Variants in ODAD2 observed in about 807,000 individuals in gnomAD.
ODAD2 encodes the protein outer dynein arm docking complex subunit 2, also known as outer dynein arm-docking complex subunit 2.
ODAD2 carries 89 observed loss-of-function variants against 106.8 expected under a neutral mutation model. The observed-to-expected ratio is 0.83, with a 90% CI of 0.70 to 0.99. The LOEUF (loss-of-function observed/expected upper bound fraction) is 0.99. Among genes scored for constraint, ODAD2 ranks in the 50% least tolerant of loss-of-function variants. The pLI is 0.00. For synonymous variants in ODAD2, 404 were observed against 436.2 expected, an observed-to-expected ratio of 0.93 and a Z score of 0.92; for missense variants, 1,168 against 1,238.5, an observed-to-expected ratio of 0.94 and a Z score of 0.85.
At chr10:27,844,882 T>G (rs1441909729) in intron 19 of ODAD2, among the ~76,000 whole-genome samples, 1 of 152,174 alleles carries the variant, frequency 6.6e-6, no homozygotes, top group Non-Finnish European at 1.5e-5. Context: ...GAGTTGGATT[T>G]GACTTAGCAG....
chr10:27,973,378 T>A (rs1366957905), intron 7 of ODAD2, among the ~76,000 whole-genome samples: 1 of 152,086 alleles, frequency 6.6e-6, no homozygotes, highest in Non-Finnish European at 1.5e-5. Flanking sequence ...TGTGCAGGCT[T>A]GTTATATAGG....
rs1189471618 is a variant in ODAD2, at chr10:27,812,532, C to T, written c.3115G>A (p.Glu1039Lys). 6.2e-7 allele frequency: 1 copy of T among 1,612,884 alleles called. No individual in the cohort carries two copies. ...SNIRRLALAT[E>K]KARYT ...AAATTTCAAGTGTATCTTGCCTTCT[C>T]TGTAGCAAGAGCCAGCCTGCGGATA... Residue 1039 changes from glutamate (E) to lysine (K), a missense_variant, in exon 20 of 20, where the codon GAG (glutamate) becomes AAG (lysine). This residue lies in a region of ODAD2 where 701 missense variants were observed against 712.3 expected (regional missense o/e 0.98). Transcript: ENST00000305242.
At chr10:27,838,979 C>T (rs1714928047) in intron 19 of ODAD2, among the ~76,000 whole-genome samples, 1 of 152,282 alleles carries the variant, frequency 6.6e-6, no homozygotes, top group East Asian at 1.9e-4. Context: ...TCATCTTATG[C>T]CAATCTAACG....
Position 27,985,160 on chromosome 10 carries a change from T to C in ODAD2, c.434A>G (p.Lys145Arg). Residue 145 changes from lysine (K) to arginine (R), a missense_variant, in exon 4 of 20, where the codon AAA (lysine) becomes AGA (arginine). Coordinates refer to ENST00000305242, the MANE Select transcript of ODAD2 (RefSeq NM_018076.5). Reference protein sequence around the residue: ...KILGSDYNTMKENSIALNILG... With the variant: ...KILGSDYNTMRENSIALNILG... ...AATATTTAATGCAATTGAGTTTTCT[T>C]TCATTGTATTATAATCAGAGCCCAG... is the stretch of plus-strand genomic sequence containing the variant. The C allele has an allele frequency of 6.3e-7, 1 of 1,590,366 alleles. No homozygotes were observed. The highest frequency in any genetic ancestry group is 8.6e-7 in the Non-Finnish European group (1 of 1,167,148).
intron 14 of ODAD2, among the ~76,000 whole-genome samples, chr10:27,938,662 C>T (rs964140562): frequency 9.3e-5 from 14 of 151,054 alleles, no homozygotes; most frequent in Admixed American, 6.6e-4. Context: ...TCCAGTGGCG[C>T]GATCTTGGCT....
At position 27,985,210 on chromosome 10, in the gene ODAD2, A is replaced by T; in HGVS notation, c.384T>A (p.Ala128=). 1 of 1,469,262 alleles carries T rather than the reference A, an allele frequency of 6.8e-7. No individual in the cohort carries two copies. Among genetic ancestry groups the T allele is most frequent in the Non-Finnish European group, 9.0e-7 (1 of 1,112,972 alleles). The allele number at this position is 1,469,262 out of a possible 1,614,324, so 91.0% of individuals were successfully genotyped here. Residue 128 remains alanine, a splice_region_variant and synonymous_variant, in exon 4 of 20, where the codon GCT becomes GCA. Coordinates refer to ENST00000305242, the MANE Select transcript of ODAD2 (RefSeq NM_018076.5). The part of the protein sequence containing the change: ...KLKEAQACVE[A]NRDPIVKILG... ...GGATTTTTACTATGGGGTCTCTGTT[A>T]GCTGCCAAAAAAAAAAAAAAGGAGA...
chr10:27,897,545 T>C lies in ODAD2; in HGVS notation c.2610+10118A>G, dbSNP rs139137200. 2.3e-4 allele frequency among the ~76,000 whole-genome samples: 35 copies of C among 152,322 alleles called. No homozygotes were observed. In the South Asian group the frequency reaches 2.7e-3, roughly 12 times the overall value. The stretch of plus-strand genomic sequence containing the variant: ...TCTCTTCTCTCCATCCACACTGCCA[T>C]GGTGTTAGGTCAAATTTTAATCATT... On this transcript the variant is annotated intron_variant, in intron 17 of 19. Transcript: ENST00000305242.
intron 10 of ODAD2, among the ~76,000 whole-genome samples, chr10:27,960,493 T>C (rs1214098818): frequency 2.0e-5 from 3 of 151,566 alleles, no homozygotes; most frequent in Admixed American, 2.0e-4. Context: ...ATTACAGGCG[T>C]GTGCCACCAC....
intron 19 of ODAD2, among the ~76,000 whole-genome samples, chr10:27,821,105 T>C (rs1836573580): frequency 6.6e-6 from 1 of 152,128 alleles, no homozygotes; most frequent in Non-Finnish European, 1.5e-5. Context: ...TGAAGAACTA[T>C]GATTTATTCT....
chr10:27,899,603 A>G lies in ODAD2; in HGVS notation c.2610+8060T>C, dbSNP rs113910577. Reference sequence around the variant, plus strand: ...CTGTGAGCATAGCAGTCCAAAGTCGACCTGGCATGCTCAAGCTTGGTGGGG... The same window carrying G: ...CTGTGAGCATAGCAGTCCAAAGTCGGCCTGGCATGCTCAAGCTTGGTGGGG... On this transcript the variant is annotated intron_variant, in intron 17 of 19. Transcript: ENST00000305242. Among the ~76,000 whole-genome samples the G allele has an allele frequency of 5.6e-4, 85 of 152,214 alleles. 1 individual carries two copies. The highest frequency in any genetic ancestry group is 1.8e-3 in the African/African-American group (74 of 41,542).
rs1307594266 is a variant in ODAD2 at position 27,812,531 on chromosome 10, T to C, written c.3116A>G (p.Glu1039Gly). The C allele has an allele frequency of 6.2e-7, 1 of 1,612,760 alleles. No homozygotes were observed. Among genetic ancestry groups the C allele is most frequent in the Non-Finnish European group, 8.5e-7 (1 of 1,179,768 alleles). ...SNIRRLALAT[E>G]KARYT Reference sequence around the variant, plus strand: ...TAAATTTCAAGTGTATCTTGCCTTCTCTGTAGCAAGAGCCAGCCTGCGGAT... The same window carrying C: ...TAAATTTCAAGTGTATCTTGCCTTCCCTGTAGCAAGAGCCAGCCTGCGGAT... The change falls in exon 20 of 20, where the codon GAG (glutamate) becomes GGG (glycine). Residue 1039 changes from glutamate (E) to glycine (G), a missense_variant. Physicochemically the swap from Glu to Gly is moderately conservative, Grantham distance 98. This residue lies in a region of ODAD2 where 701 missense variants were observed against 712.3 expected (regional missense o/e 0.98). Coordinates refer to ENST00000305242, the MANE Select transcript of ODAD2 (RefSeq NM_018076.5).
intron 2 of ODAD2, among the ~76,000 whole-genome samples, chr10:27,994,066 T>A (rs1291830360): frequency 6.6e-6 from 1 of 151,972 alleles, no homozygotes; most frequent in Non-Finnish European, 1.5e-5. Flanking sequence ...TACATTCTTA[T>A]ACAATTATAT....
At chr10:27,922,949 CAAAA>C (rs966057889) in intron 16 of ODAD2, among the ~76,000 whole-genome samples, 1 of 149,592 alleles carries the variant, frequency 6.7e-6, no homozygotes, top group Non-Finnish European at 1.5e-5. Context: ...AAACAAAAAA[CAAAA>C]AAAACTAAAT....
intron 19 of ODAD2, among the ~76,000 whole-genome samples, chr10:27,818,486 G>A (rs1589741896): frequency 6.6e-6 from 1 of 152,004 alleles, no homozygotes. Flanking sequence ...ATTACTTTAT[G>A]AATTTTGTTA....
At chr10:27,960,834 T>G (rs1285622006) in intron 10 of ODAD2, among the ~76,000 whole-genome samples, 2 of 152,196 alleles carry the variant, frequency 1.3e-5, no homozygotes, top group Non-Finnish European at 2.9e-5. Flanking sequence ...AGTCAAATAC[T>G]TTTTCACAAA....
At chr10:27,871,572 A>G (rs1042027850) in intron 17 of ODAD2, among the ~76,000 whole-genome samples, 3 of 152,186 alleles carry the variant, frequency 2.0e-5, no homozygotes, top group East Asian at 3.8e-4. Flanking sequence ...CTTTCTACAT[A>G]TGGCTAGCCA....
In ODAD2 at chr10:27,870,409, G is replaced by C. The variant is rs139863982; in HGVS notation, c.2611-7787C>G. ...TAGGGTACATGTGCTCAACATGCAG[G>C]TTTGTTACATATGCATACATGTGCC... is the stretch of plus-strand genomic sequence containing the variant. On this transcript the variant is annotated intron_variant, in intron 17 of 19. Coordinates refer to ENST00000305242, the MANE Select transcript of ODAD2 (RefSeq NM_018076.5). Among the ~76,000 whole-genome samples the C allele has an allele frequency of 7.9e-3, 1,203 of 151,958 alleles. 14 individuals carry two copies. The highest frequency in any genetic ancestry group is 0.028 in the African/African-American group (1,143 of 41,410).
chr10:27,825,995 ACCT>A (rs1327227308), intron 19 of ODAD2, among the ~76,000 whole-genome samples: 2 of 152,130 alleles, frequency 1.3e-5, no homozygotes, highest in Non-Finnish European at 2.9e-5. Context: ...TCAGACCTTG[ACCT>A]CCTCAACTCC....
chr10:27,869,364 C>A (rs1032457110), intron 17 of ODAD2, among the ~76,000 whole-genome samples: 5 of 151,746 alleles, frequency 3.3e-5, no homozygotes, highest in African/African-American at 1.2e-4. Context: ...ATAAAAAAAT[C>A]TTTCTCCTGA....
Sources: gnomAD v4.1 joint callset for allele counts (sites outside exome capture counted in the v4.1 genomes callset) on GRCh38, gnomAD v4.1.1 for gene constraint, gnomAD v4.1.1 regional missense constraint, MANE v1.5 for transcripts, NCBI Gene and HGNC (gene_info 2026-07-23, HGNC 2026-07-21) for gene names.